Variants in LUZP2 observed in about 807,000 individuals in gnomAD.
LUZP2 encodes the protein leucine zipper protein 2.
In LUZP2, 52 loss-of-function variants were observed where a neutral mutation model predicts 51.6. The ratio of observed to expected loss-of-function variants is 1.01; its 90% CI spans 0.81 to 1.27. The LOEUF is 1.27. LUZP2 is among the 50% of genes most tolerant of loss of function. The pLI, the probability that LUZP2 is intolerant of heterozygous loss-of-function variation, is 0.00. For synonymous variants in LUZP2, 154 were observed against 137.3 expected, an observed-to-expected ratio of 1.12 and a Z score of -0.85; for missense variants, 436 against 395.4, an observed-to-expected ratio of 1.10 and a Z score of -0.87.
At chr11:24,818,615 A>G (rs772228564) in intron 5 of LUZP2, among the ~76,000 whole-genome samples, 3 of 152,082 alleles carry the variant, frequency 2.0e-5, no homozygotes, top group Non-Finnish European at 4.4e-5. Context: ...ATGAAAAATT[A>G]TGGGAAGTTT....
Position 24,741,897 on chromosome 11 carries a change from A to T in LUZP2, c.333+3595A>T, listed in dbSNP as rs1344924122. On this transcript the variant is annotated intron_variant, in intron 4 of 11. Transcript: ENST00000336930. Reference sequence around the variant, plus strand: ...TTTATAAATATATATTTATATACATATATATTTCTATATAATATATACATT... The same window carrying T: ...TTTATAAATATATATTTATATACATTTATATTTCTATATAATATATACATT... 5.1e-5 allele frequency among the ~76,000 whole-genome samples: 7 copies of T among 136,934 alleles called. No homozygotes were observed. In the South Asian group the frequency reaches 8.6e-4, roughly 17 times the overall value. The allele number at this position is 136,934 out of a possible 152,430, so 89.8% of individuals were successfully genotyped here.
chr11:25,006,581 T>G (rs551652845), intron 9 of LUZP2, among the ~76,000 whole-genome samples: 2 of 152,136 alleles, frequency 1.3e-5, no homozygotes, highest in Admixed American at 6.5e-5. Context: ...GCCACACTAG[T>G]CGCTTTTAAC....
At chr11:24,920,180 C>T (rs1285107916) in intron 7 of LUZP2, among the ~76,000 whole-genome samples, 3 of 151,910 alleles carry the variant, frequency 2.0e-5, no homozygotes, top group Non-Finnish European at 4.4e-5. Flanking sequence ...TGTTGAGATA[C>T]ATAATGGCAG....
chr11:24,702,752 G>A (rs16913066), intron 1 of LUZP2, among the ~76,000 whole-genome samples: 33,155 of 152,024 alleles, frequency 0.22, 3,795 homozygotes, highest in East Asian at 0.34. Flanking sequence ...AATCATATCA[G>A]TGGCCAAGCA....
chr11:24,853,633 A>G (rs554057977), intron 5 of LUZP2, among the ~76,000 whole-genome samples: 11 of 152,118 alleles, frequency 7.2e-5, no homozygotes, highest in Admixed American at 3.3e-4. Context: ...CAATTTGTCA[A>G]ACTCATTCTG....
In LUZP2 at chr11:24,611,047, A is replaced by C. The variant is rs1854100397; in HGVS notation, c.62+113742A>C. Among the ~76,000 whole-genome samples, 1 of 147,658 alleles carries C rather than the reference A, an allele frequency of 6.8e-6. No homozygotes were observed. Among genetic ancestry groups the C allele is most frequent in the South Asian group, 2.2e-4 (1 of 4,626 alleles). ...ATTGTTATAATGTACCTTACATGAC[A>C]TAGCTTTGTTTTTTTTTATTTTTAT... On this transcript the variant is annotated intron_variant, in intron 1 of 11. Coordinates refer to ENST00000336930, the MANE Select transcript of LUZP2 (RefSeq NM_001009909.4). This position sits in a 1 kb window ranked among gnomAD's most constrained non-coding sequence, Gnocchi z 4.6.
At chr11:25,049,462 TC>T (rs1207878417) in intron 9 of LUZP2, among the ~76,000 whole-genome samples, 1 of 152,066 alleles carries the variant, frequency 6.6e-6, no homozygotes, top group Non-Finnish European at 1.5e-5. Context: ...TCTTTTCTTT[TC>T]TTTATTCTCT....
At chr11:24,612,528 G>A (rs1216603715) in intron 1 of LUZP2, among the ~76,000 whole-genome samples, 2 of 152,022 alleles carry the variant, frequency 1.3e-5, no homozygotes, top group Non-Finnish European at 2.9e-5. Context: ...AAGCTATCAA[G>A]TACCAGTTTT....
chr11:24,865,357 A>ATAT (rs1260625825), intron 5 of LUZP2, among the ~76,000 whole-genome samples: 1 of 152,226 alleles, frequency 6.6e-6, no homozygotes, highest in Non-Finnish European at 1.5e-5. Context: ...GATAATCTAA[A>ATAT]TATTTGTTGA....
At chr11:24,532,042 A>G (rs1282503156) in intron 1 of LUZP2, among the ~76,000 whole-genome samples, 1 of 151,014 alleles carries the variant, frequency 6.6e-6, no homozygotes, top group Non-Finnish European at 1.5e-5. Flanking sequence ...ACACTATCAA[A>G]CAATCAGGGC....
At chr11:24,684,732 C>T (rs1376464420) in intron 1 of LUZP2, among the ~76,000 whole-genome samples, 1 of 152,204 alleles carries the variant, frequency 6.6e-6, no homozygotes, top group Non-Finnish European at 1.5e-5. Context: ...TCTCCATTTG[C>T]TCACAATGTC....
At chr11:24,564,812 A>G (rs1463842724) in intron 1 of LUZP2, among the ~76,000 whole-genome samples, 1 of 152,220 alleles carries the variant, frequency 6.6e-6, no homozygotes, top group Non-Finnish European at 1.5e-5. Context: ...GAGACTGAGT[A>G]AATAAGAGTC....
chr11:24,706,843 TCTC>T lies in LUZP2; in HGVS notation c.63-22324_63-22322del, dbSNP rs531245346. Among the ~76,000 whole-genome samples the T allele has an allele frequency of 2.9e-3, 444 of 152,178 alleles. 1 individual carries two copies. Among genetic ancestry groups the T allele is most frequent in the African/African-American group, 0.01 (432 of 41,550 alleles). ...TTATTTTTTATTCCCTTTTCTGTCATCTCCACCATAATAACTCCTTCAGGGAAC... is the reference window on the plus strand; with the variant it reads ...TTATTTTTTATTCCCTTTTCTGTCATCACCATAATAACTCCTTCAGGGAAC... On this transcript the variant is annotated intron_variant, in intron 1 of 11. Transcript: ENST00000336930.
At chr11:24,757,645 C>T (rs938752886) in intron 4 of LUZP2, among the ~76,000 whole-genome samples, 3 of 151,530 alleles carry the variant, frequency 2.0e-5, no homozygotes, top group Non-Finnish European at 4.4e-5. Context: ...AACAAAAATC[C>T]CCTAAATCCT....
At position 24,536,161 on chromosome 11, in the gene LUZP2, T is replaced by C. The variant is rs563023964; in HGVS notation, c.62+38856T>C. On this transcript the variant is annotated intron_variant, in intron 1 of 11. Transcript: ENST00000336930. ...TCATTTGGGCTTTATTTTTGTATTT[T>C]TAACATGCCGGCAGAGTAGATTTAG... is the stretch of plus-strand genomic sequence containing the variant. 2.6e-5 allele frequency among the ~76,000 whole-genome samples: 4 copies of C among 151,902 alleles called. No homozygotes were observed. In the East Asian group the frequency reaches 5.8e-4, roughly 22 times the overall value.
In LUZP2 at chr11:24,743,962, G is replaced by A. The variant is rs571728760; in HGVS notation, c.333+5660G>A. On this transcript the variant is annotated intron_variant, in intron 4 of 11. Coordinates refer to ENST00000336930, the MANE Select transcript of LUZP2 (RefSeq NM_001009909.4). ...GCATTCAACAGAGAATGCATCATCTGTTGAGACGATCATGGAATTTTTGTT... is the reference window on the plus strand; with the variant it reads ...GCATTCAACAGAGAATGCATCATCTATTGAGACGATCATGGAATTTTTGTT... 7.0e-4 allele frequency among the ~76,000 whole-genome samples: 106 copies of A among 151,940 alleles called. 5 individuals are homozygous for A. In the South Asian group the frequency reaches 0.022, roughly 32 times the overall value.
intron 4 of LUZP2, among the ~76,000 whole-genome samples, chr11:24,750,948 A>G (rs551366228): frequency 6.6e-6 from 1 of 152,268 alleles, no homozygotes; most frequent in African/African-American, 2.4e-5. Context: ...TTTTATAATC[A>G]AAATATATGG....
At chr11:25,000,000 G>T (rs534300709) in intron 9 of LUZP2, among the ~76,000 whole-genome samples, 2 of 152,026 alleles carry the variant, frequency 1.3e-5, no homozygotes, top group African/African-American at 4.8e-5. Flanking sequence ...CCCTTATTTG[G>T]CCCCGCCCAT....
Position 24,591,203 on chromosome 11 carries a change from C to T in LUZP2, c.62+93898C>T, listed in dbSNP as rs954480376. On this transcript the variant is annotated intron_variant, in intron 1 of 11. Coordinates refer to ENST00000336930, the MANE Select transcript of LUZP2 (RefSeq NM_001009909.4). The stretch of plus-strand genomic sequence containing the variant: ...GTGTTGCAATATTTTCATTTGGAAA[C>T]ATCCAAGTGGGTAAAAAGCAAGTTC... Among the ~76,000 whole-genome samples the T allele has an allele frequency of 3.9e-5, 6 of 152,212 alleles. No individual in the cohort carries two copies. In the South Asian group the frequency reaches 6.2e-4, roughly 16 times the overall value.
Sources: allele counts gnomAD v4.1 joint callset (sites outside exome capture counted in the v4.1 genomes callset), GRCh38; gene constraint gnomAD v4.1.1; non-coding constraint Gnocchi (gnomAD v3.1); transcripts MANE v1.5; gene names NCBI Gene and HGNC (gene_info 2026-07-23, HGNC 2026-07-21).